The following CACNA2D3 variants were observed in gnomAD, a reference collection of about 807,000 sequenced individuals.
CACNA2D3 encodes the protein calcium voltage-gated channel auxiliary subunit alpha2delta 3.
In CACNA2D3, 60 loss-of-function variants were observed where a neutral mutation model predicts 160.6. The ratio of observed to expected loss-of-function variants is 0.37; its 90% CI spans 0.30 to 0.46. The LOEUF (loss-of-function observed/expected upper bound fraction) is 0.46, where lower values mean the gene tolerates loss of function less well. Ranked by LOEUF, CACNA2D3 falls within the 20% of genes least tolerant of loss-of-function variation. CACNA2D3 has a pLI of 1.00. For missense variants in CACNA2D3, 1,205 were observed against 1,365.0 expected, an observed-to-expected ratio of 0.88 and a Z score of 1.85; for synonymous variants, 558 against 492.9, an observed-to-expected ratio of 1.13 and a Z score of -1.75.
intron 13 of CACNA2D3, among the ~76,000 whole-genome samples, chr3:54,803,850 G>A (rs936374854): frequency 1.3e-5 from 2 of 152,134 alleles, no homozygotes; most frequent in African/African-American, 4.8e-5. Context: ...GACTAACAGC[G>A]GATCTCTCGG....
intron 14 of CACNA2D3, among the ~76,000 whole-genome samples, chr3:54,828,474 C>T (rs1703791915): frequency 6.6e-6 from 1 of 152,186 alleles, no homozygotes; most frequent in South Asian, 2.1e-4. Flanking sequence ...GCAGTATCCT[C>T]CCTCTATCTA....
intron 2 of CACNA2D3, among the ~76,000 whole-genome samples, chr3:54,280,243 A>C (rs7627029): frequency 6.6e-6 from 1 of 151,718 alleles, no homozygotes; most frequent in African/African-American, 2.4e-5. Context: ...CACCACGCCC[A>C]GCTAATTTTT....
intron 4 of CACNA2D3, among the ~76,000 whole-genome samples, chr3:54,445,922 G>C (rs932714067): frequency 6.6e-6 from 1 of 152,082 alleles, no homozygotes; most frequent in African/African-American, 2.4e-5. Flanking sequence ...TTGTTCCTGT[G>C]GTCTCTCCAG....
chr3:54,800,986 CTTT>C (rs541320556), intron 13 of CACNA2D3, among the ~76,000 whole-genome samples: 1 of 140,750 alleles, frequency 7.1e-6, no homozygotes, highest in Non-Finnish European at 1.6e-5. Flanking sequence ...ACTGGAATAT[CTTT>C]TTTTTTTTTT....
At chr3:54,478,637 A>AAT (rs1553692080) in intron 4 of CACNA2D3, among the ~76,000 whole-genome samples, 1 of 9,120 alleles carries the variant, frequency 1.1e-4, no homozygotes, top group Non-Finnish European at 3.8e-4. Flanking sequence ...GTCTCAAAAA[A>AAT]ATATATATAT....
chr3:54,902,443 TG>T (rs1480556145), intron 27 of CACNA2D3, among the ~76,000 whole-genome samples: 1 of 152,230 alleles, frequency 6.6e-6, no homozygotes, highest in African/African-American at 2.4e-5. Flanking sequence ...ACGCCAGCCT[TG>T]GTGCATAAAT....
At chr3:54,995,056 C>T (rs1702825654) in intron 31 of CACNA2D3, among the ~76,000 whole-genome samples, 1 of 152,164 alleles carries the variant, frequency 6.6e-6, no homozygotes. Context: ...TTACTGCAAC[C>T]TCTGCCTCCC....
chr3:54,818,641 T>C (rs544569731), intron 14 of CACNA2D3, among the ~76,000 whole-genome samples: 1 of 152,334 alleles, frequency 6.6e-6, no homozygotes, highest in South Asian at 2.1e-4. Flanking sequence ...GAGCATATTA[T>C]TGTGGTCATA....
chr3:54,675,959 C>G (rs142429888), intron 11 of CACNA2D3, among the ~76,000 whole-genome samples: 1 of 152,156 alleles, frequency 6.6e-6, no homozygotes, highest in Admixed American at 6.5e-5. Flanking sequence ...GTCTTGGGAT[C>G]GTTTTGTCTT....
chr3:54,278,415 G>C (rs188766657), intron 2 of CACNA2D3, among the ~76,000 whole-genome samples: 238 of 152,296 alleles, frequency 1.6e-3, no homozygotes, highest in African/African-American at 5.0e-3. Flanking sequence ...TTCACCTGTG[G>C]AAGTCAGTGT....
intron 2 of CACNA2D3, among the ~76,000 whole-genome samples, chr3:54,304,078 G>A (rs1383163367): frequency 6.6e-6 from 1 of 151,990 alleles, no homozygotes; most frequent in Non-Finnish European, 1.5e-5. Flanking sequence ...CCTTTGTGGC[G>A]GGGCCTGCTC....
At chr3:54,608,352 C>T (rs1188312632) in intron 9 of CACNA2D3, among the ~76,000 whole-genome samples, 1 of 152,186 alleles carries the variant, frequency 6.6e-6, no homozygotes, top group Non-Finnish European at 1.5e-5. Flanking sequence ...AGGCTTTAAA[C>T]ATTCCCCTAA....
At chr3:54,164,805 C>T (rs186713095) in intron 2 of CACNA2D3, among the ~76,000 whole-genome samples, 133 of 152,240 alleles carry the variant, frequency 8.7e-4, no homozygotes, top group African/African-American at 3.1e-3. Flanking sequence ...CAGGACATTC[C>T]CCAGTGAGAG....
At chr3:54,221,035 A>G (rs915109368) in intron 2 of CACNA2D3, among the ~76,000 whole-genome samples, 1 of 152,178 alleles carries the variant, frequency 6.6e-6, no homozygotes, top group Non-Finnish European at 1.5e-5. Context: ...TTGCTATTCA[A>G]CCAGCAGACA....
At chr3:54,427,287 TA>T (rs1699924419) in intron 4 of CACNA2D3, among the ~76,000 whole-genome samples, 1 of 152,158 alleles carries the variant, frequency 6.6e-6, no homozygotes, top group African/African-American at 2.4e-5. Context: ...CAGAGAGCAG[TA>T]TTTAAATTAG....
chr3:54,423,814 T>C (rs1234555523), intron 4 of CACNA2D3, among the ~76,000 whole-genome samples: 1 of 152,128 alleles, frequency 6.6e-6, no homozygotes, highest in Non-Finnish European at 1.5e-5. Flanking sequence ...GTCTGTGACA[T>C]GCCCGGGAGC....
At chr3:54,483,677 T>C (rs1421848210) in intron 4 of CACNA2D3, among the ~76,000 whole-genome samples, 2 of 152,220 alleles carry the variant, frequency 1.3e-5, no homozygotes, top group Non-Finnish European at 2.9e-5. Flanking sequence ...GAGAAAAATA[T>C]CACAGTCTCA....
At chr3:54,276,099 C>T (rs968938069) in intron 2 of CACNA2D3, among the ~76,000 whole-genome samples, 1 of 152,106 alleles carries the variant, frequency 6.6e-6, no homozygotes, top group Non-Finnish European at 1.5e-5. Flanking sequence ...ATTGAATGCC[C>T]CTCCCTGCAG....
chr3:54,979,756 A>G lies in CACNA2D3; in HGVS notation c.2557-4852A>G, dbSNP rs77525776. ...CTTTCTTCCTCTATTCTAATGTCAC[A>G]ATCTCCAACATTATCAGAAATCTGC... On this transcript the variant is annotated intron_variant, in intron 29 of 37. Transcript: ENST00000474759. 2.6e-3 allele frequency among the ~76,000 whole-genome samples: 402 copies of G among 152,240 alleles called. 1 individual carries two copies. The highest frequency in any genetic ancestry group is 9.4e-3 in the African/African-American group (391 of 41,532).
Sources: gnomAD v4.1 joint callset for allele counts (sites outside exome capture counted in the v4.1 genomes callset) on GRCh38, gnomAD v4.1.1 for gene constraint, MANE v1.5 for transcripts, NCBI Gene and HGNC (gene_info 2026-07-23, HGNC 2026-07-21) for gene names.